Variants in NBEAL1 observed in about 807,000 individuals in gnomAD.
NBEAL1 encodes neurobeachin-like protein 1.
NBEAL1 carries 273 observed loss-of-function variants against 351.3 expected under a neutral mutation model. The observed-to-expected ratio is 0.78, with a 90% confidence interval of 0.70 to 0.86. The LOEUF (loss-of-function observed/expected upper bound fraction) is 0.86. NBEAL1 is among the 40% of genes least tolerant of loss of function. The pLI, the probability that NBEAL1 is intolerant of heterozygous loss-of-function variation, is 0.00. For synonymous variants in NBEAL1, 1,050 were observed against 1,086.4 expected (o/e 0.97, Z 0.66); for missense variants, 2,961 against 3,201.3 (o/e 0.92, Z 1.81).
intron 2 of NBEAL1, among the ~76,000 whole-genome samples, chr2:203,030,056 G>A (rs963675293): frequency 1.3e-5 from 2 of 152,134 alleles, no homozygotes; most frequent in African/African-American, 4.8e-5. Flanking sequence ...GGTTTTAAAG[G>A]ATCTATAGTA....
Position 203,195,149 on chromosome 2 carries a change from A to G in NBEAL1, c.7038+1238A>G, listed in dbSNP as rs1043088996. On this transcript the variant is annotated intron_variant, in intron 47 of 55. Coordinates refer to ENST00000683969, the MANE Select transcript of NBEAL1 (RefSeq NM_001378026.1). ...GCAGAGCTTGCAGTGAGCCGAGATC[A>G]CGCCACTGCACTCAGAGCGAGACTC... is the stretch of plus-strand genomic sequence containing the variant. Among the ~76,000 whole-genome samples, 22 of 151,666 alleles carry G rather than the reference A, an allele frequency of 1.5e-4. No individual in the cohort carries two copies. The East Asian group carries it at 3.7e-3, about 25-fold the overall frequency.
At position 203,036,457 on chromosome 2, in the gene NBEAL1, G is replaced by T. The variant is rs1031454277; in HGVS notation, c.52-5308G>T. Among the ~76,000 whole-genome samples, 3 of 149,254 alleles carry T rather than the reference G, an allele frequency of 2.0e-5. No individual in the cohort carries two copies. In the Admixed American group the frequency reaches 2.0e-4, roughly 10 times the overall value. ...AGTGGAAACAGCACATATTGGATTT[G>T]TGTGTTCTTACATTTTAATTCCAGC... On this transcript the variant is annotated intron_variant, in intron 2 of 55. Transcript: ENST00000683969.
In NBEAL1 at chr2:203,208,628, T is replaced by C. The variant is rs1378634266; in HGVS notation, c.7507-9T>C. On this transcript the variant is annotated splice_polypyrimidine_tract_variant and intron_variant, in intron 51 of 55. Coordinates refer to ENST00000683969, the MANE Select transcript of NBEAL1 (RefSeq NM_001378026.1). Reference sequence around the variant, plus strand: ...CACCTTTACCTTTGCTTTTCTCTTGTATTATTAGGGAGGTGTTCCTGTGGG... The same window carrying C: ...CACCTTTACCTTTGCTTTTCTCTTGCATTATTAGGGAGGTGTTCCTGTGGG... The C allele has an allele frequency of 1.3e-6, 2 of 1,587,036 alleles. No individual in the cohort carries two copies. Among genetic ancestry groups the C allele is most frequent in the East Asian group, 4.5e-5 (2 of 44,718 alleles).
chr2:203,206,974 G>T (rs1188635610), intron 51 of NBEAL1, among the ~76,000 whole-genome samples: 1 of 150,060 alleles, frequency 6.7e-6, no homozygotes, highest in Non-Finnish European at 1.5e-5. Flanking sequence ...AGGAAGTGAG[G>T]AGCGCCTCTT....
At chr2:203,044,390 T>C (rs2061193404) in intron 3 of NBEAL1, among the ~76,000 whole-genome samples, 1 of 152,230 alleles carries the variant, frequency 6.6e-6, no homozygotes, top group African/African-American at 2.4e-5. Flanking sequence ...CTTTAAATCA[T>C]GGAGCTAAGA....
intron 9 of NBEAL1, among the ~76,000 whole-genome samples, chr2:203,084,107 A>G (rs2061922581): frequency 1.3e-5 from 2 of 151,790 alleles, no homozygotes; most frequent in Admixed American, 1.3e-4. Context: ...TCCTTCACCA[A>G]TATATTATGA....
At chr2:203,042,697 C>T (rs577965912) in intron 3 of NBEAL1, among the ~76,000 whole-genome samples, 25 of 151,898 alleles carry the variant, frequency 1.6e-4, no homozygotes, top group Non-Finnish European at 2.4e-4. Context: ...AAGCAATTCT[C>T]CTGCCTCAGC....
At chr2:203,207,318 C>A (rs2065628055) in intron 51 of NBEAL1, among the ~76,000 whole-genome samples, 1 of 151,972 alleles carries the variant, frequency 6.6e-6, no homozygotes, top group African/African-American at 2.4e-5. Context: ...CGGCCAGCCG[C>A]CCCCTCCGGG....
At chr2:203,015,338 A>T in intron 1 of NBEAL1, among the ~76,000 whole-genome samples, 1 of 152,150 alleles carries the variant, frequency 6.6e-6, no homozygotes, top group East Asian at 1.9e-4. Flanking sequence ...TTGGATGGAA[A>T]GGTGGAGAGG....
intron 6 of NBEAL1, among the ~76,000 whole-genome samples, chr2:203,065,857 T>G (rs767182563): frequency 3.3e-5 from 5 of 152,220 alleles, no homozygotes; most frequent in Admixed American, 6.5e-5. Flanking sequence ...TTGATATGTA[T>G]TAGCATCTGC....
At chr2:203,216,335 T>C (rs943857365) in intron 55 of NBEAL1, among the ~76,000 whole-genome samples, 2 of 152,202 alleles carry the variant, frequency 1.3e-5, no homozygotes, top group African/African-American at 4.8e-5. Flanking sequence ...TAAAATTACT[T>C]TCTTTTCATC....
At chr2:203,106,172 A>C (rs2062433301) in intron 12 of NBEAL1, among the ~76,000 whole-genome samples, 1 of 152,252 alleles carries the variant, frequency 6.6e-6, no homozygotes, top group South Asian at 2.1e-4. Flanking sequence ...TGAAGTGGTA[A>C]GCATAGTGCC....
chr2:203,036,397 T>G (rs1401152331), intron 2 of NBEAL1, among the ~76,000 whole-genome samples: 1 of 149,098 alleles, frequency 6.7e-6, no homozygotes, highest in African/African-American at 2.4e-5. Flanking sequence ...AAAGATCCAT[T>G]TTATTTATGC....
At position 203,084,588 on chromosome 2, in the gene NBEAL1, T is replaced by C; in HGVS notation, c.1098+19T>C. ...CTGCAAGGTATTTTTCTATTATTGT[T>C]GTTGTCTTTGATTTTAAGAAGCTAT... On this transcript the variant is annotated intron_variant, in intron 10 of 55. Transcript: ENST00000683969. The C allele has an allele frequency of 7.4e-7, 1 of 1,352,226 alleles. No homozygotes were observed. The highest frequency in any genetic ancestry group is 1.0e-6 in the Non-Finnish European group (1 of 999,682). The allele number at this position is 1,352,226 out of a possible 1,614,324, so 83.8% of individuals were successfully genotyped here.
rs2065034187 is a variant in NBEAL1 at position 203,190,290 on chromosome 2, A to G, written c.6824-2A>G. On this transcript the variant is annotated splice_acceptor_variant, in intron 45 of 55. Transcript: ENST00000683969. LOFTEE classifies it high-confidence loss of function. ...TAGTAAGTTGACTTCTTCTGGTTTT[A>G]GGAGCTGTGGATCTGGATGCCTTAA... 1.2e-6 allele frequency: 2 copies of G among 1,601,348 alleles called. No individual in the cohort carries two copies. Among genetic ancestry groups the G allele is most frequent in the Non-Finnish European group, 1.7e-6 (2 of 1,175,628 alleles).
intron 6 of NBEAL1, among the ~76,000 whole-genome samples, chr2:203,060,053 C>T (rs1179243207): frequency 6.6e-6 from 1 of 152,122 alleles, no homozygotes; most frequent in East Asian, 1.9e-4. Flanking sequence ...AATGGCAAAT[C>T]TAAGAGAACA....
At chr2:203,154,330 A>G (rs2063742384) in intron 35 of NBEAL1, among the ~76,000 whole-genome samples, 1 of 152,074 alleles carries the variant, frequency 6.6e-6, no homozygotes, top group Non-Finnish European at 1.5e-5. Context: ...TGGAAATCAT[A>G]AAAAAAGGCA....
At chr2:203,117,607 T>C (rs2062729523) in intron 18 of NBEAL1, among the ~76,000 whole-genome samples, 2 of 152,256 alleles carry the variant, frequency 1.3e-5, no homozygotes, top group African/African-American at 4.8e-5. Context: ...TTGTCTTTTT[T>C]TCCTCAGTCC....
rs1559059218 is a variant in NBEAL1, at chr2:203,199,405, A to ACC, written c.7196_7197insCC (p.Tyr2400LeufsTer11). On this transcript the variant is annotated frameshift_variant, in exon 49 of 56. Transcript: ENST00000683969. LOFTEE classifies it high-confidence loss of function. ...TTGCCTTATGACAGAAACATTTCTA[A>ACC]TTACTTTACATTCATCAAGGATCAA... The ACC allele has an allele frequency of 6.2e-7, 1 of 1,606,786 alleles. No individual in the cohort carries two copies. The highest frequency in any genetic ancestry group is 8.5e-7 in the Non-Finnish European group (1 of 1,174,158).
Sources: gnomAD v4.1 joint callset for allele counts (sites outside exome capture counted in the v4.1 genomes callset) on GRCh38, gnomAD v4.1.1 for gene constraint, MANE v1.5 for transcripts, NCBI Gene and HGNC (gene_info 2026-07-23, HGNC 2026-07-21) for gene names.